Variants in GTF3C1 observed in about 807,000 individuals in gnomAD.
GTF3C1 encodes the protein general transcription factor 3C polypeptide 1.
In GTF3C1, 57 loss-of-function variants were observed where a neutral mutation model predicts 226.7. That is an observed-to-expected ratio of 0.25 (90% confidence interval 0.20 to 0.31). The LOEUF (loss-of-function observed/expected upper bound fraction) is 0.31. Ranked by LOEUF, GTF3C1 falls within the 10% of genes least tolerant of loss-of-function variation. The probability of loss-of-function intolerance (pLI) is 1.00; values close to 1 mark genes in which losing one functional copy is unlikely to be tolerated. For synonymous variants in GTF3C1, 1,090 were observed against 1,084.8 expected (o/e 1.00, Z -0.09); for missense variants, 2,217 against 2,776.1 (o/e 0.80, Z 4.53).
chr16:27,537,810 G>C lies in GTF3C1; in HGVS notation c.726C>G (p.Leu242=). The change falls in exon 4 of 37, where the codon CTC becomes CTG. Residue 242 remains leucine, a synonymous_variant. Transcript: ENST00000356183. ...PTGAQQHSIL[L]LLNRFHVDRR... is the part of the protein sequence containing the mutation. The stretch of plus-strand genomic sequence containing the variant: ...TGTCCACATGAAACCGGTTCAGTAG[G>C]AGGAGGATTGAGTGTTGCTGGGCTC... The C allele has an allele frequency of 6.2e-7, 1 of 1,611,972 alleles. No homozygotes were observed. Among genetic ancestry groups the C allele is most frequent in the Non-Finnish European group, 8.5e-7 (1 of 1,178,070 alleles).
chr16:27,466,930 T>C (rs1204195683), intron 32 of GTF3C1, among the ~76,000 whole-genome samples: 1 of 152,196 alleles, frequency 6.6e-6, no homozygotes, highest in Non-Finnish European at 1.5e-5. Context: ...GAAGAAAACT[T>C]GGAAGCTAGC....
rs2088870078 is a variant in GTF3C1 at position 27,528,737 on chromosome 16, T to G, written c.850-16A>C. 1 of 1,612,092 alleles carries G rather than the reference T, an allele frequency of 6.2e-7. No individual in the cohort carries two copies. The highest frequency in any genetic ancestry group is 1.7e-5 in the Admixed American group (1 of 59,998). On this transcript the variant is annotated splice_polypyrimidine_tract_variant and intron_variant, in intron 5 of 36. Coordinates refer to ENST00000356183, the MANE Select transcript of GTF3C1 (RefSeq NM_001520.4). The stretch of plus-strand genomic sequence containing the variant: ...CGCACAGCCCCTGCCAAAACACAAT[T>G]TAAAGGCTACTATTAGACACAGCAA...
chr16:27,481,042 G>A, intron 27 of GTF3C1, 37 bp downstream of exon 27: 1 of 1,544,590 alleles, frequency 6.5e-7, no homozygotes, highest in Non-Finnish European at 9.0e-7. Context: ...TTCTTGCCCT[G>A]CGAGGGCCAC....
chr16:27,468,750 A>G (rs2087820830), intron 32 of GTF3C1, among the ~76,000 whole-genome samples: 1 of 152,256 alleles, frequency 6.6e-6, no homozygotes, highest in Non-Finnish European at 1.5e-5. Flanking sequence ...AAATAAATAA[A>G]TAAAAATAAA....
chr16:27,469,166 T>C lies in GTF3C1; in HGVS notation c.5074+125A>G, dbSNP rs536905731. 2.6e-3 allele frequency: 2,518 copies of C among 977,598 alleles called. 7 individuals are homozygous for C. The highest frequency in any genetic ancestry group is 2.6e-3 in the Non-Finnish European group (1,769 of 677,600). 60.6% of individuals were successfully genotyped at this position (977,598 alleles called of 1,614,324 possible). On this transcript the variant is annotated intron_variant, in intron 32 of 36. Transcript: ENST00000356183. This position sits in a 1 kb window ranked among gnomAD's most constrained non-coding sequence, Gnocchi z 4.5. ...GCTGCAAGGATGGGGTGTGTTTTTC[T>C]GTGTGTTCTGTGGCTGCACGCCTGG...
Position 27,498,613 on chromosome 16 carries a change from C to T in GTF3C1, c.2165+17G>A, listed in dbSNP as rs191692106. The T allele has an allele frequency of 1.5e-4, 205 of 1,342,984 alleles. No homozygotes were observed. The African/African-American group carries it at 2.1e-3, about 14-fold the overall frequency. 83.2% of individuals were successfully genotyped at this position (1,342,984 alleles called of 1,614,324 possible). Reference sequence around the variant, plus strand: ...TGGCAGCCTTGCTATGGGTTCTTCCCGGGCACCTCCACTTGCCTGTTGGCT... The same window carrying T: ...TGGCAGCCTTGCTATGGGTTCTTCCTGGGCACCTCCACTTGCCTGTTGGCT... On this transcript the variant is annotated intron_variant, in intron 13 of 36. Coordinates refer to ENST00000356183, the MANE Select transcript of GTF3C1 (RefSeq NM_001520.4).
Position 27,470,174 on chromosome 16 carries a change from T to C in GTF3C1, c.4748A>G (p.Asp1583Gly). 6.2e-7 allele frequency: 1 copy of C among 1,613,866 alleles called. No homozygotes were observed. The highest frequency in any genetic ancestry group is 8.5e-7 in the Non-Finnish European group (1 of 1,179,798). ...GATGATCTGCTCCGGGATCCTGACA[T>C]CCACAGAAATGAGGCCCAGAGAGAA... Reference protein sequence around the residue: ...TLFSLGLISVDVRIPEQIIVV... With the variant: ...TLFSLGLISVGVRIPEQIIVV... Residue 1583 changes from aspartate to glycine, a missense_variant, in exon 31 of 37, where the codon GAT becomes GGT. Asp to Gly is a moderately conservative substitution (Grantham distance 94). This residue lies in a region of GTF3C1 where 546 missense variants were observed against 663.0 expected (regional missense o/e 0.82). Transcript: ENST00000356183. This position sits in a 1 kb window ranked among gnomAD's most constrained non-coding sequence, Gnocchi z 4.9.
intron 4 of GTF3C1, among the ~76,000 whole-genome samples, chr16:27,536,067 A>T (rs2088996980): frequency 6.6e-6 from 1 of 152,222 alleles, no homozygotes; most frequent in African/African-American, 2.4e-5. Context: ...ACTGCCCGCC[A>T]TTTCAATTTA....
chr16:27,489,032 C>T lies in GTF3C1; in HGVS notation c.3429+11G>A, dbSNP rs771342295. ...CCCCTGAGATTGTAGTCCGGTGTGACGCACACCCACCTTTTTGGCCTGGTT... is the reference window on the plus strand; with the variant it reads ...CCCCTGAGATTGTAGTCCGGTGTGATGCACACCCACCTTTTTGGCCTGGTT... On this transcript the variant is annotated intron_variant, in intron 21 of 36. Transcript: ENST00000356183. 16 of 1,611,310 alleles carry T rather than the reference C, an allele frequency of 9.9e-6. No homozygotes were observed. Among genetic ancestry groups the T allele is most frequent in the East Asian group, 6.7e-5 (3 of 44,878 alleles).
rs1218928993 is a variant in GTF3C1, at chr16:27,532,144, A to C, written c.849+1147T>G. Reference sequence around the variant, plus strand: ...GACTGGAAACCTAGATTTTTATGGAAAGTCTCAATTTCTTAAAAAATGCTA... The same window carrying C: ...GACTGGAAACCTAGATTTTTATGGACAGTCTCAATTTCTTAAAAAATGCTA... On this transcript the variant is annotated intron_variant, in intron 5 of 36. Transcript: ENST00000356183. Among the ~76,000 whole-genome samples the C allele has an allele frequency of 2.0e-5, 3 of 152,158 alleles. No individual in the cohort carries two copies. The East Asian group carries it at 5.8e-4, about 29-fold the overall frequency.
In GTF3C1 at chr16:27,463,695, G is replaced by C. The variant is rs1596610047; in HGVS notation, c.5873-103C>G. Reference sequence around the variant, plus strand: ...ACCTAGCATGAGCAGGGCACCTCGAGGCTCAGGGGATGAAGTGTCAAAAAA... The same window carrying C: ...ACCTAGCATGAGCAGGGCACCTCGACGCTCAGGGGATGAAGTGTCAAAAAA... On this transcript the variant is annotated intron_variant, in intron 34 of 36. Coordinates refer to ENST00000356183, the MANE Select transcript of GTF3C1 (RefSeq NM_001520.4). The surrounding 1 kb of genome is among the most constrained non-coding windows in gnomAD (Gnocchi z 4.9). 5 of 769,346 alleles carry C rather than the reference G, an allele frequency of 6.5e-6. No homozygotes were observed. The East Asian group carries it at 9.8e-5, about 15-fold the overall frequency. The allele number at this position is 769,346 out of a possible 1,614,324, so 47.7% of individuals were successfully genotyped here. A position where few individuals can be genotyped will look rare whatever the true frequency, so the allele number is the denominator to read the frequency against.
At position 27,465,416 on chromosome 16, in the gene GTF3C1, C is replaced by T. The variant is rs1170960150; in HGVS notation, c.5199G>A (p.Gly1733=). The change falls in exon 33 of 37, where the codon GGG becomes GGA. Residue 1733 remains glycine (G), a synonymous_variant. Coordinates refer to ENST00000356183, the MANE Select transcript of GTF3C1 (RefSeq NM_001520.4). The stretch of plus-strand genomic sequence containing the variant: ...CAGCAGTCAGGTCTTCGGGACTATA[C>T]CCAGACAGCTCCAGCTGGAGGACAA... ...EEFVLQLELS[G]YSPEDLTAAL... is the part of the protein sequence containing the mutation. 1.9e-6 allele frequency: 3 copies of T among 1,613,976 alleles called. No individual in the cohort carries two copies. The East Asian group carries it at 6.7e-5, about 36-fold the overall frequency.
rs1287513434 is a variant in GTF3C1 at position 27,476,448 on chromosome 16, C to T, written c.4353+3G>A. 6.3e-6 allele frequency: 10 copies of T among 1,593,966 alleles called. No individual in the cohort carries two copies. Among genetic ancestry groups the T allele is most frequent in the Non-Finnish European group, 8.6e-6 (10 of 1,161,812 alleles). On this transcript the variant is annotated splice_donor_region_variant and intron_variant, in intron 29 of 36. Coordinates refer to ENST00000356183, the MANE Select transcript of GTF3C1 (RefSeq NM_001520.4). The stretch of plus-strand genomic sequence containing the variant: ...GCTGTGCTGCCGGGCAGCCGACACC[C>T]ACCTGGAATGACTGGTAGGACTTCA...
rs754998325 is a variant in GTF3C1 at position 27,489,182 on chromosome 16, A to C, written c.3294-4T>G. On this transcript the variant is annotated splice_region_variant and splice_polypyrimidine_tract_variant and intron_variant, in intron 20 of 36. Coordinates refer to ENST00000356183, the MANE Select transcript of GTF3C1 (RefSeq NM_001520.4). ...ATCCACCACCTCACGGCTTCCACTAAAAGACAGGAAATCAACAGAAAAGAG... is the reference window on the plus strand; with the variant it reads ...ATCCACCACCTCACGGCTTCCACTACAAGACAGGAAATCAACAGAAAAGAG... The C allele has an allele frequency of 1.2e-6, 2 of 1,613,752 alleles. No individual in the cohort carries two copies. Among genetic ancestry groups the C allele is most frequent in the Middle Eastern group, 1.7e-4 (1 of 6,060 alleles).
Position 27,462,103 on chromosome 16 carries a change from C to G in GTF3C1, c.6117+191G>C, listed in dbSNP as rs990507831. 7.6e-5 allele frequency: 45 copies of G among 590,466 alleles called. No individual in the cohort carries two copies. The highest frequency in any genetic ancestry group is 5.4e-5 in the Non-Finnish European group (18 of 331,228). The allele number at this position is 590,466 out of a possible 1,614,324, so 36.6% of individuals were successfully genotyped here. On this transcript the variant is annotated intron_variant, in intron 36 of 36. Transcript: ENST00000356183. The surrounding 1 kb of genome is among the most constrained non-coding windows in gnomAD (Gnocchi z 4.5). ...CGGGCACCCCATCTTCCAGCCTGGT[C>G]AGCAGCATGGAGCTGGTGAAGGACA...
At chr16:27,533,800 G>GT (rs1361195497) in intron 4 of GTF3C1, among the ~76,000 whole-genome samples, 13 of 152,200 alleles carry the variant, frequency 8.5e-5, no homozygotes, top group Admixed American at 8.5e-4. Flanking sequence ...GAGGTCAGGA[G>GT]TTCGAGGCCA....
intron 29 of GTF3C1, among the ~76,000 whole-genome samples, chr16:27,474,729 T>C (rs974066470): frequency 3.3e-5 from 5 of 152,148 alleles, no homozygotes; most frequent in African/African-American, 1.2e-4. Context: ...ATCTACAAAA[T>C]GCTGGGGTGG....
intron 6 of GTF3C1, among the ~76,000 whole-genome samples, chr16:27,523,981 T>C (rs2141431033): frequency 6.6e-6 from 1 of 152,352 alleles, no homozygotes; most frequent in African/African-American, 2.4e-5. Flanking sequence ...CACCACTGTC[T>C]GTGCTGTAAG....
intron 10 of GTF3C1, among the ~76,000 whole-genome samples, chr16:27,504,742 C>A (rs2088458057): frequency 6.6e-6 from 1 of 152,114 alleles, no homozygotes; most frequent in African/African-American, 2.4e-5. Flanking sequence ...ATGATGAAAC[C>A]ATCTCTACAA....
Sources: gnomAD v4.1 joint callset for allele counts (sites outside exome capture counted in the v4.1 genomes callset) on GRCh38, gnomAD v4.1.1 for gene constraint, gnomAD v4.1.1 regional missense constraint, Gnocchi (gnomAD v3.1) non-coding constraint, MANE v1.5 for transcripts, NCBI Gene and HGNC (gene_info 2026-07-23, HGNC 2026-07-21) for gene names.